EXOC6: variants seen among roughly 807,000 people sequenced by gnomAD.
EXOC6 encodes exocyst complex component 6.
A neutral mutation model predicts 112.5 loss-of-function variants in EXOC6; 60 were observed. That is an observed-to-expected ratio of 0.53 (90% CI 0.43 to 0.66). The LOEUF (loss-of-function observed/expected upper bound fraction) is 0.66. EXOC6 is among the 30% of genes least tolerant of loss of function. The pLI is 0.00. For missense variants in EXOC6, 855 were observed against 957.1 expected (o/e 0.89, Z 1.41); for synonymous variants, 295 against 308.0 (o/e 0.96, Z 0.44).
intron 1 of EXOC6, among the ~76,000 whole-genome samples, chr10:92,888,198 G>T (rs925639258): frequency 6.6e-6 from 1 of 151,938 alleles, no homozygotes; most frequent in Non-Finnish European, 1.5e-5. Context: ...TCAGGCTTTG[G>T]TTTTCTATTA....
At chr10:92,914,799 C>T (rs1294585193) in intron 6 of EXOC6, among the ~76,000 whole-genome samples, 3 of 152,128 alleles carry the variant, frequency 2.0e-5, no homozygotes, top group Non-Finnish European at 4.4e-5. Context: ...AGCCAGTGCA[C>T]GACCTTTCTA....
chr10:92,834,123 A>G (rs1564758573), upstream of EXOC6, among the ~76,000 whole-genome samples: 1 of 152,150 alleles, frequency 6.6e-6, no homozygotes. Context: ...TCTCTAATGG[A>G]GGAAATTGAC....
rs1020031411 is a variant in EXOC6, at chr10:92,944,929, C to T, written c.1311-3345C>T. On this transcript the variant is annotated intron_variant, in intron 13 of 21. Coordinates refer to ENST00000260762, the MANE Select transcript of EXOC6 (RefSeq NM_019053.6). ...CTGGGATTACAGGCCTGCACCACCA[C>T]GTCCGTCTAATTTTGTATTTTTAGT... is the stretch of plus-strand genomic sequence containing the variant. Among the ~76,000 whole-genome samples the T allele has an allele frequency of 9.2e-5, 14 of 152,136 alleles. No homozygotes were observed. In the South Asian group the frequency reaches 2.1e-3, roughly 23 times the overall value.
chr10:92,962,372 A>G lies in EXOC6; in HGVS notation c.1773+6658A>G, dbSNP rs184404272. Among the ~76,000 whole-genome samples the G allele has an allele frequency of 2.6e-4, 39 of 152,108 alleles. 1 individual carries two copies. The highest frequency in any genetic ancestry group is 2.4e-3 in the Admixed American group (37 of 15,250). On this transcript the variant is annotated intron_variant, in intron 17 of 21. Coordinates refer to ENST00000260762, the MANE Select transcript of EXOC6 (RefSeq NM_019053.6). ...AAAATGTATATATAATGTAATGTAA[A>G]AATGTTAAAAATATATATATATATG...
intron 1 of EXOC6, among the ~76,000 whole-genome samples, chr10:92,861,300 C>T (rs1293272612): frequency 6.6e-6 from 1 of 152,176 alleles, no homozygotes; most frequent in African/African-American, 2.4e-5. Context: ...GAGTGATATC[C>T]TTGCTTTAAG....
chr10:93,012,888 CAAAA>C (rs1346061150), intron 19 of EXOC6, among the ~76,000 whole-genome samples: 1 of 151,798 alleles, frequency 6.6e-6, no homozygotes, highest in Admixed American at 6.6e-5. Context: ...CCCAAAAAAA[CAAAA>C]AAATCATTAG....
chr10:92,891,412 A>T (rs1470459388), intron 1 of EXOC6, among the ~76,000 whole-genome samples: 3 of 152,196 alleles, frequency 2.0e-5, no homozygotes, highest in East Asian at 3.8e-4. Flanking sequence ...TACATTTTTT[A>T]AAAAATTAAA....
At chr10:92,984,387 C>T (rs1842927335) in intron 18 of EXOC6, among the ~76,000 whole-genome samples, 1 of 152,044 alleles carries the variant, frequency 6.6e-6, no homozygotes, top group Non-Finnish European at 1.5e-5. Flanking sequence ...TTCCAAGAGG[C>T]CTCTTTTAAG....
intron 9 of EXOC6, among the ~76,000 whole-genome samples, chr10:92,929,909 T>G (rs1851934684): frequency 6.6e-6 from 1 of 152,164 alleles, no homozygotes; most frequent in Non-Finnish European, 1.5e-5. Context: ...GAAGAATATT[T>G]GATGCCATAT....
intron 17 of EXOC6, among the ~76,000 whole-genome samples, chr10:92,973,505 T>C (rs909336004): frequency 2.0e-5 from 3 of 152,244 alleles, no homozygotes; most frequent in Admixed American, 6.5e-5. Context: ...CTTTTATGGA[T>C]GAGAAAATGT....
At chr10:92,962,019 G>T (rs7909248) in intron 17 of EXOC6, among the ~76,000 whole-genome samples, 1,621 of 152,256 alleles carry the variant, frequency 0.011, 34 homozygotes, top group African/African-American at 0.037. Context: ...TAGAGGAGTA[G>T]TTAGTTTACA....
chr10:93,049,434 C>T (rs7897425), intron 20 of EXOC6, among the ~76,000 whole-genome samples: 1 of 152,216 alleles, frequency 6.6e-6, no homozygotes, highest in South Asian at 2.1e-4. Context: ...AGGTGTAGTA[C>T]ATCCATACAA....
At chr10:93,046,040 C>CTA (rs1188296277) in intron 20 of EXOC6, among the ~76,000 whole-genome samples, 1 of 152,092 alleles carries the variant, frequency 6.6e-6, no homozygotes, top group Admixed American at 6.5e-5. Context: ...TAACATAGCC[C>CTA]TATTATCAGT....
At chr10:92,979,579 C>T (rs917009606) in intron 18 of EXOC6, among the ~76,000 whole-genome samples, 2 of 152,012 alleles carry the variant, frequency 1.3e-5, no homozygotes, top group African/African-American at 4.8e-5. Flanking sequence ...CACAATAACC[C>T]GAATAATGTT....
chr10:92,837,233 G>A (rs1407782849), intron 1 of EXOC6, among the ~76,000 whole-genome samples: 2 of 151,984 alleles, frequency 1.3e-5, no homozygotes, highest in African/African-American at 4.8e-5. Context: ...TTCAGTTGTG[G>A]AAGCCCCTAA....
At chr10:92,869,310 T>A (rs76988608) in intron 1 of EXOC6, among the ~76,000 whole-genome samples, 4,811 of 143,138 alleles carry the variant, frequency 0.034, 175 homozygotes, top group East Asian at 0.15. Context: ...CCCTTTCTTT[T>A]AAAAAAAAAA....
upstream of EXOC6, among the ~76,000 whole-genome samples, chr10:92,830,230 T>C (rs1423102123): frequency 6.6e-6 from 1 of 152,174 alleles, no homozygotes; most frequent in African/African-American, 2.4e-5. Context: ...ACAAACATAA[T>C]GCTTCCTACT....
At chr10:93,057,124 A>G in intron 21 of EXOC6, 88 bp downstream of exon 21, 1 of 715,492 alleles carries the variant, frequency 1.4e-6, no homozygotes, top group South Asian at 2.2e-5. Context: ...TCTGTCAAAA[A>G]AGAAAAGTCT....
chr10:92,848,433 G>GGCCCC, upstream of EXOC6: 3 of 855,808 alleles, frequency 3.5e-6, no homozygotes, highest in Non-Finnish European at 4.3e-6. Flanking sequence ...CGGCCCGAGC[G>GGCCCC]CCCCGCCCCC....
Sources: allele counts gnomAD v4.1 joint callset (sites outside exome capture counted in the v4.1 genomes callset), GRCh38; gene constraint gnomAD v4.1.1; transcripts MANE v1.5; gene names NCBI Gene and HGNC (gene_info 2026-07-23, HGNC 2026-07-21).